FXR1: variants seen among roughly 807,000 people sequenced by gnomAD.
FXR1 encodes RNA-binding protein FXR1.
In FXR1, 15 loss-of-function variants were observed where a neutral mutation model predicts 84.0. The observed-to-expected ratio is 0.18, with a 90% confidence interval of 0.12 to 0.27. The LOEUF (loss-of-function observed/expected upper bound fraction) is 0.27. Among genes scored for constraint, FXR1 ranks in the 10% least tolerant of loss-of-function variants. FXR1 has a pLI of 1.00. For missense variants in FXR1, 480 were observed against 774.4 expected, an observed-to-expected ratio of 0.62 and a Z score of 4.51; for synonymous variants, 245 against 250.7, an observed-to-expected ratio of 0.98 and a Z score of 0.21.
In FXR1 at chr3:180,949,249, A is replaced by G; in HGVS notation, c.536A>G (p.Lys179Arg). 1 of 1,590,414 alleles carries G rather than the reference A, an allele frequency of 6.3e-7. No individual in the cohort carries two copies. The highest frequency in any genetic ancestry group is 8.6e-7 in the Non-Finnish European group (1 of 1,158,362). ...MILSASEATV[K>R]RVNILSDMHL... ...TAGTCTGCCAGTGAAGCAACTGTGA[A>G]GAGAGTAAACATCTTAAGTGACATG... The change falls in exon 7 of 17, where the codon AAG becomes AGG. Residue 179 changes from lysine (K) to arginine (R), a missense_variant. This residue lies in a region of FXR1 where 136 missense variants were observed against 315.4 expected (regional missense o/e 0.43). Transcript: ENST00000357559.
chr3:180,956,471 A>T (rs554051363), intron 9 of FXR1, among the ~76,000 whole-genome samples: 3 of 152,324 alleles, frequency 2.0e-5, no homozygotes, highest in East Asian at 3.9e-4. Flanking sequence ...ATGATCACTC[A>T]AAACTGGTAT....
intron 3 of FXR1, 97 bp downstream of exon 3, chr3:180,935,328 A>C: frequency 1.6e-6 from 1 of 636,920 alleles, no homozygotes; most frequent in Non-Finnish European, 2.8e-6. Flanking sequence ...GATAAATCTA[A>C]TTCATTTTCT....
Position 180,949,357 on chromosome 3 carries a change from C to T in FXR1, c.630+14C>T, listed in dbSNP as rs1721988034. On this transcript the variant is annotated intron_variant, in intron 7 of 16. Transcript: ENST00000357559. ...AAGCATTTAGAAGTAAGTGGGTTTA[C>T]TTACAAAAGAGTTTTCTGTGTCCCA... 8.6e-7 allele frequency: 1 copy of T among 1,167,108 alleles called. No individual in the cohort carries two copies. Among genetic ancestry groups the T allele is most frequent in the Non-Finnish European group, 1.3e-6 (1 of 771,510 alleles). The allele number at this position is 1,167,108 out of a possible 1,614,324, so 72.3% of individuals were successfully genotyped here. A position where few individuals can be genotyped will look rare whatever the true frequency, so the allele number is the denominator to read the frequency against.
intron 9 of FXR1, among the ~76,000 whole-genome samples, chr3:180,954,905 AAGT>A (rs1406867775): frequency 7.2e-6 from 1 of 139,172 alleles, no homozygotes; most frequent in Non-Finnish European, 1.5e-5. Context: ...GGTCATTAGT[AAGT>A]AGTATATTCA....
chr3:180,917,775 C>T (rs368085443), intron 1 of FXR1, among the ~76,000 whole-genome samples: 2 of 151,792 alleles, frequency 1.3e-5, no homozygotes, highest in East Asian at 1.9e-4. Context: ...AGAGAAACCC[C>T]GTCTCTACTA....
intron 1 of FXR1, among the ~76,000 whole-genome samples, chr3:180,928,239 C>T (rs1805569): frequency 0.24 from 36,322 of 151,352 alleles, 4,555 homozygotes; most frequent in African/African-American, 0.31. Context: ...AATTCCTAAA[C>T]GACTTTAGGC....
At chr3:180,972,438 A>G (rs1210244655) in intron 15 of FXR1, among the ~76,000 whole-genome samples, 2 of 152,362 alleles carry the variant, frequency 1.3e-5, no homozygotes, top group South Asian at 2.1e-4. Context: ...CCTGGGTGAC[A>G]GTGAGACCCT....
At chr3:180,958,349 A>G (rs1711598732) in intron 10 of FXR1, among the ~76,000 whole-genome samples, 1 of 152,072 alleles carries the variant, frequency 6.6e-6, no homozygotes, top group South Asian at 2.1e-4. Context: ...AGCACTGTAC[A>G]CTGTATCCAA....
Position 180,947,933 on chromosome 3 carries a change from A to G in FXR1, c.267A>G (p.Gly89=). 6.3e-7 allele frequency: 1 copy of G among 1,586,268 alleles called. No homozygotes were observed. The highest frequency in any genetic ancestry group is 1.3e-5 in the African/African-American group (1 of 74,536). ...TGGCTAAAGTTCGGATGATGAAAGG[A>G]GAAGTAAGTACTCTTCACACTTGCT... is the stretch of plus-strand genomic sequence containing the variant. ...WWLAKVRMMK[G]EFYVIEYAAC... Residue 89 remains glycine (G), a synonymous_variant, in exon 4 of 17, where the codon GGA becomes GGG. Transcript: ENST00000357559.
chr3:180,962,842 TTATA>T lies in FXR1; in HGVS notation c.1078-36_1078-33del, dbSNP rs746472735. Reference sequence around the variant, plus strand: ...CTTTAGGCTTTAGGAAAACAAAAAGTTATATATAAGAAGACTTACTCTTTTTTGT... The same window carrying T: ...CTTTAGGCTTTAGGAAAACAAAAAGTTATAAGAAGACTTACTCTTTTTTGT... On this transcript the variant is annotated intron_variant, in intron 11 of 16. Transcript: ENST00000357559. 7.2e-6 allele frequency: 10 copies of T among 1,383,494 alleles called. No individual in the cohort carries two copies. In the Admixed American group the frequency reaches 1.6e-4, roughly 22 times the overall value. The allele number at this position is 1,383,494 out of a possible 1,614,324, so 85.7% of individuals were successfully genotyped here. A position where few individuals can be genotyped will look rare whatever the true frequency, so the allele number is the denominator to read the frequency against.
intron 1 of FXR1, chr3:180,914,930 TG>T: frequency 2.0e-6 from 2 of 984,816 alleles, no homozygotes; most frequent in Non-Finnish European, 2.4e-6. Flanking sequence ...TTCAGAACTC[TG>T]GAAGAATGAG....
chr3:180,948,256 T>C (rs1044133471), intron 4 of FXR1, 91 bp from the exon 5 acceptor site: 14 of 883,964 alleles, frequency 1.6e-5, no homozygotes, highest in Non-Finnish European at 2.3e-5. Context: ...GGAGGGTCCG[T>C]TGGTTAAGCT....
In FXR1 at chr3:180,980,484, TAAA is replaced by T. The variant is rs1352774811; in HGVS notation, c.*4195_*4197del. ...TTCTAGTTTTAGAGACCATTTTCAT[TAAA>T]AATATTTTCCAATAGTTTTTCTAGA... On this transcript the variant is annotated 3_prime_UTR_variant, in exon 17 of 17. Coordinates refer to ENST00000357559, the MANE Select transcript of FXR1 (RefSeq NM_005087.4). 3.3e-5 allele frequency: 5 copies of T among 152,162 alleles called. No individual in the cohort carries two copies. The highest frequency in any genetic ancestry group is 4.1e-4 in the South Asian group (2 of 4,832). 9.4% of individuals were successfully genotyped at this position (152,162 alleles called of 1,614,324 possible).
chr3:180,927,071 G>A (rs886743484), intron 1 of FXR1, among the ~76,000 whole-genome samples: 1 of 152,032 alleles, frequency 6.6e-6, no homozygotes, highest in African/African-American at 2.4e-5. Flanking sequence ...TACCAGTTGT[G>A]AGTTAGTTTT....
chr3:180,962,861 C>T, intron 11 of FXR1, 22 bp from the exon 12 acceptor site: 1 of 1,524,914 alleles, frequency 6.6e-7, no homozygotes, highest in Non-Finnish European at 9.1e-7. Context: ...AGAAGACTTA[C>T]TCTTTTTTGT....
In FXR1 at chr3:180,980,323, C is replaced by T. The variant is rs2108503214; in HGVS notation, c.*4031C>T. 1 of 152,026 alleles carries T rather than the reference C, an allele frequency of 6.6e-6. No individual in the cohort carries two copies. The highest frequency in any genetic ancestry group is 1.9e-4 in the East Asian group (1 of 5,192). 9.4% of individuals were successfully genotyped at this position (152,026 alleles called of 1,614,324 possible). A position where few individuals can be genotyped will look rare whatever the true frequency, so the allele number is the denominator to read the frequency against. ...ATTTTTCACAAGTCTTACAGCCCCA[C>T]TATTAAGTATGCTACTAATTAGCTT... On this transcript the variant is annotated 3_prime_UTR_variant, in exon 17 of 17. Coordinates refer to ENST00000357559, the MANE Select transcript of FXR1 (RefSeq NM_005087.4).
At chr3:180,928,604 A>AT (rs111610857) in intron 1 of FXR1, among the ~76,000 whole-genome samples, 5,312 of 152,036 alleles carry the variant, frequency 0.035, 322 homozygotes, top group African/African-American at 0.12. Flanking sequence ...AGCTTCAGAC[A>AT]TTTTTTGTAC....
intron 13 of FXR1, among the ~76,000 whole-genome samples, chr3:180,967,569 GTT>G (rs879929544): frequency 5.7e-5 from 8 of 140,490 alleles, no homozygotes; most frequent in Admixed American, 1.4e-4. Flanking sequence ...GTTCTGTATG[GTT>G]TTTTTTTTTT....
chr3:180,956,199 C>T (rs1384055558), intron 9 of FXR1, among the ~76,000 whole-genome samples: 2 of 152,126 alleles, frequency 1.3e-5, no homozygotes, highest in Non-Finnish European at 2.9e-5. Flanking sequence ...CCACCCCTCC[C>T]AAATCAAAGG....
Sources: gnomAD v4.1 joint callset for allele counts (sites outside exome capture counted in the v4.1 genomes callset) on GRCh38, gnomAD v4.1.1 for gene constraint, gnomAD v4.1.1 regional missense constraint, MANE v1.5 for transcripts, NCBI Gene and HGNC (gene_info 2026-07-23, HGNC 2026-07-21) for gene names.